CDC42BPB: variants seen among roughly 807,000 people sequenced by gnomAD.
CDC42BPB encodes serine/threonine-protein kinase MRCK beta.
CDC42BPB carries 37 observed loss-of-function variants against 214.9 expected under a neutral mutation model. The observed-to-expected ratio is 0.17, with a 90% CI of 0.13 to 0.23. The LOEUF (loss-of-function observed/expected upper bound fraction) is 0.23. Ranked by LOEUF, CDC42BPB falls within the 10% of genes least tolerant of loss-of-function variation. The pLI, the probability that CDC42BPB is intolerant of heterozygous loss-of-function variation, is 1.00. For synonymous variants in CDC42BPB, 931 were observed against 884.0 expected, an observed-to-expected ratio of 1.05 and a Z score of -0.94; for missense variants, 1,694 against 2,227.0, an observed-to-expected ratio of 0.76 and a Z score of 4.82.
At chr14:103,042,270 G>C (rs1186709679) in intron 1 of CDC42BPB, among the ~76,000 whole-genome samples, 2 of 151,916 alleles carry the variant, frequency 1.3e-5, no homozygotes, top group Non-Finnish European at 2.9e-5. Context: ...CTTGTATCTA[G>C]AATATACAGA....
intron 5 of CDC42BPB, among the ~76,000 whole-genome samples, chr14:102,988,068 T>C (rs150538192): frequency 2.0e-4 from 30 of 151,282 alleles, no homozygotes; most frequent in South Asian, 6.3e-4. Flanking sequence ...AGGGAAGAAA[T>C]AGAAGAAACA....
chr14:103,021,057 G>C (rs1489974873), intron 1 of CDC42BPB, among the ~76,000 whole-genome samples: 1 of 152,162 alleles, frequency 6.6e-6, no homozygotes, highest in Non-Finnish European at 1.5e-5. Context: ...AGCTGATATA[G>C]GAGCACAGGC....
chr14:103,014,302 C>A (rs867826440), intron 1 of CDC42BPB, among the ~76,000 whole-genome samples: 26 of 152,212 alleles, frequency 1.7e-4, no homozygotes, highest in Non-Finnish European at 8.8e-5. Flanking sequence ...ATGTATCCTG[C>A]CAGTCTGGCA....
intron 1 of CDC42BPB, among the ~76,000 whole-genome samples, chr14:103,043,710 T>C (rs1199220105): frequency 2.6e-5 from 4 of 152,024 alleles, no homozygotes; most frequent in African/African-American, 4.8e-5. Flanking sequence ...TATCTGGTAA[T>C]TGTAAATGGC....
At position 103,001,707 on chromosome 14, in the gene CDC42BPB, A is replaced by G. The variant is rs1894992961; in HGVS notation, c.448-1994T>C. On this transcript the variant is annotated intron_variant, in intron 4 of 36. Coordinates refer to ENST00000361246, the MANE Select transcript of CDC42BPB (RefSeq NM_006035.4). This position sits in a 1 kb window ranked among gnomAD's most constrained non-coding sequence, Gnocchi z 5.8. ...GCATTCCAGAGGGAGCGGCCCCGGC[A>G]GCTGACGGACACACACGGGGCCAGG... Among the ~76,000 whole-genome samples, 1 of 152,194 alleles carries G rather than the reference A, an allele frequency of 6.6e-6. No homozygotes were observed. The highest frequency in any genetic ancestry group is 6.5e-5 in the Admixed American group (1 of 15,288).
chr14:102,982,755 C>G (rs888091472), intron 7 of CDC42BPB, among the ~76,000 whole-genome samples: 1 of 151,060 alleles, frequency 6.6e-6, no homozygotes, highest in East Asian at 1.9e-4. Flanking sequence ...AGCGAAACTC[C>G]GTCTCAAAAA....
chr14:103,021,787 G>A (rs575330750), intron 1 of CDC42BPB, among the ~76,000 whole-genome samples: 2 of 152,256 alleles, frequency 1.3e-5, no homozygotes, highest in African/African-American at 2.4e-5. Flanking sequence ...AGCGGGGGTC[G>A]TGTGGTACAG....
At chr14:102,951,323 C>T (rs1892480313) in intron 24 of CDC42BPB, among the ~76,000 whole-genome samples, 1 of 152,224 alleles carries the variant, frequency 6.6e-6, no homozygotes, top group Admixed American at 6.5e-5. Flanking sequence ...TGTTCACAGA[C>T]CCATGGTCAG....
At chr14:102,972,375 G>C in intron 12 of CDC42BPB, 1 of 971,738 alleles carries the variant, frequency 1.0e-6, no homozygotes, top group Non-Finnish European at 1.2e-6. Flanking sequence ...CAGGTGCTGA[G>C]ACCAACTGCA....
intron 1 of CDC42BPB, among the ~76,000 whole-genome samples, chr14:103,017,138 A>G (rs1207313398): frequency 6.6e-6 from 1 of 152,214 alleles, no homozygotes; most frequent in Non-Finnish European, 1.5e-5. Flanking sequence ...CCTGGGCAAC[A>G]TGACAAGACT....
chr14:102,932,748 A>C lies in CDC42BPB; in HGVS notation c.*964T>G, dbSNP rs943518321. The C allele has an allele frequency of 3.3e-5, 5 of 152,510 alleles. No homozygotes were observed. The highest frequency in any genetic ancestry group is 3.3e-4 in the Admixed American group (5 of 15,272). 9.4% of individuals were successfully genotyped at this position (152,510 alleles called of 1,614,324 possible). On this transcript the variant is annotated 3_prime_UTR_variant, in exon 37 of 37. Transcript: ENST00000361246. Reference sequence around the variant, plus strand: ...CACTCAACATCTGGTACAAAGGGTGAGGTGAAATCCACGCGCAGGGGATTG... The same window carrying C: ...CACTCAACATCTGGTACAAAGGGTGCGGTGAAATCCACGCGCAGGGGATTG...
Position 102,939,936 on chromosome 14 carries a change from T to C in CDC42BPB, c.4603A>G (p.Asn1535Asp). The C allele has an allele frequency of 6.2e-7, 1 of 1,613,896 alleles. No individual in the cohort carries two copies. Among genetic ancestry groups the C allele is most frequent in the Non-Finnish European group, 8.5e-7 (1 of 1,180,022 alleles). ...CTGTTGTCGGAGGTGTCCGGCACGT[T>C]GAGAACCGCTCCTGCAGAAGCAGAG... ...FKSKFSGAVL[N>D]VPDTSDNSKK... The change falls in exon 33 of 37, where the codon AAC becomes GAC. Residue 1535 changes from asparagine (N) to aspartate (D), a missense_variant. Transcript: ENST00000361246.
At chr14:102,966,410 T>C (rs1893203874) in intron 17 of CDC42BPB, 23 bp from the exon 18 acceptor site, 3 of 1,611,170 alleles carry the variant, frequency 1.9e-6, no homozygotes, top group East Asian at 4.5e-5. Flanking sequence ...ACAGATGTTC[T>C]ATCTCACGAA....
At chr14:102,953,436 CTT>C (rs778146492) in intron 23 of CDC42BPB, among the ~76,000 whole-genome samples, 1 of 152,260 alleles carries the variant, frequency 6.6e-6, no homozygotes, top group Non-Finnish European at 1.5e-5. Flanking sequence ...CTGCAAGAGT[CTT>C]AGTCCAAAAG....
rs1250333644 is a variant in CDC42BPB at position 102,974,951 on chromosome 14, AC to A, written c.1507+732del. Among the ~76,000 whole-genome samples the A allele has an allele frequency of 3.3e-5, 5 of 152,132 alleles. No homozygotes were observed. The East Asian group carries it at 9.8e-4, about 30-fold the overall frequency. On this transcript the variant is annotated intron_variant, in intron 11 of 36. Coordinates refer to ENST00000361246, the MANE Select transcript of CDC42BPB (RefSeq NM_006035.4). ...ACAGAGTGAGACTCCGTCTCAAAAAACAAAAAAACAAAAAAACAAAAACTGA... is the reference window on the plus strand; with the variant it reads ...ACAGAGTGAGACTCCGTCTCAAAAAAAAAAAAACAAAAAAACAAAAACTGA...
chr14:103,004,349 ACTC>A lies in CDC42BPB; in HGVS notation c.352-329_352-327del. 1 of 273,874 alleles carries A rather than the reference ACTC, an allele frequency of 3.7e-6. No homozygotes were observed. The highest frequency in any genetic ancestry group is 6.5e-6 in the Non-Finnish European group (1 of 153,680). The allele number at this position is 273,874 out of a possible 1,614,324, so 17.0% of individuals were successfully genotyped here. A position where few individuals can be genotyped will look rare whatever the true frequency, so the allele number is the denominator to read the frequency against. On this transcript the variant is annotated intron_variant, in intron 3 of 36. Transcript: ENST00000361246. This position sits in a 1 kb window ranked among gnomAD's most constrained non-coding sequence, Gnocchi z 5.3. ...GGCTCCTCCCACCTGGCACCTCCTG[ACTC>A]CTCTACCAGATCAACCTCTGCCAAG...
chr14:102,934,602 C>CA (rs1891555534), intron 36 of CDC42BPB, among the ~76,000 whole-genome samples: 1 of 151,732 alleles, frequency 6.6e-6, no homozygotes, highest in South Asian at 2.1e-4. Flanking sequence ...ACCAAGCAGT[C>CA]AAAGTCACAA....
At chr14:103,026,303 A>T (rs1470315122) in intron 1 of CDC42BPB, among the ~76,000 whole-genome samples, 4 of 151,954 alleles carry the variant, frequency 2.6e-5, no homozygotes, top group Admixed American at 2.6e-4. Flanking sequence ...AGGCAGGAGA[A>T]TCGCGTGAAC....
intron 36 of CDC42BPB, among the ~76,000 whole-genome samples, chr14:102,936,380 C>T (rs1295688363): frequency 6.6e-6 from 1 of 152,154 alleles, no homozygotes; most frequent in Admixed American, 6.5e-5. Context: ...GAAAACAAAC[C>T]GTGGTCTAGC....
Sources: allele counts gnomAD v4.1 joint callset (sites outside exome capture counted in the v4.1 genomes callset), GRCh38; gene constraint gnomAD v4.1.1; non-coding constraint Gnocchi (gnomAD v3.1); transcripts MANE v1.5; gene names NCBI Gene and HGNC (gene_info 2026-07-23, HGNC 2026-07-21).